Variants in FBXO27 observed in about 807,000 individuals in gnomAD.
FBXO27 encodes the protein F-box only protein 27.
FBXO27 carries 28 observed loss-of-function variants against 28.3 expected under a neutral mutation model. That is an observed-to-expected ratio of 0.99 (90% CI 0.73 to 1.36). The LOEUF (loss-of-function observed/expected upper bound fraction) is 1.36. Among genes scored for constraint, FBXO27 ranks in the 40% most tolerant of loss-of-function variants. The probability of loss-of-function intolerance (pLI) is 0.00; values close to 1 mark genes in which losing one functional copy is unlikely to be tolerated. For missense variants in FBXO27, 388 were observed against 394.1 expected (o/e 0.98, Z 0.13); for synonymous variants, 175 against 167.3 (o/e 1.05, Z -0.36).
chr19:39,013,052 T>A (rs958661482), intron 2 of FBXO27, among the ~76,000 whole-genome samples: 11 of 152,190 alleles, frequency 7.2e-5, no homozygotes, highest in Non-Finnish European at 1.5e-4. Context: ...CCGATCATCA[T>A]CCAATGAACT....
At chr19:39,023,893 G>T (rs911309535), downstream of FBXO27, 1 of 152,124 alleles carries the variant, frequency 6.6e-6, no homozygotes, top group African/African-American at 2.4e-5. Flanking sequence ...GGGATTATAG[G>T]TGTGAGCCAC....
intron 2 of FBXO27, among the ~76,000 whole-genome samples, chr19:39,011,148 T>A (rs751431059): frequency 2.0e-5 from 3 of 152,206 alleles, no homozygotes; most frequent in Non-Finnish European, 4.4e-5. Context: ...TTTTGACAAG[T>A]GGCCGGGTGC....
chr19:39,012,247 T>G (rs575169254), intron 2 of FBXO27, among the ~76,000 whole-genome samples: 1 of 148,970 alleles, frequency 6.7e-6, no homozygotes, highest in Non-Finnish European at 1.5e-5. Context: ...TGCAATGGCG[T>G]GATCTTTGCT....
At chr19:39,006,803 G>A (rs1312845612) in intron 2 of FBXO27, among the ~76,000 whole-genome samples, 1 of 151,798 alleles carries the variant, frequency 6.6e-6, no homozygotes, top group Non-Finnish European at 1.5e-5. Flanking sequence ...CCCAGGCCAG[G>A]TGCTGTGGCT....
In FBXO27 at chr19:39,006,907, C is replaced by T. The variant is rs187930334; in HGVS notation, c.252+7480G>A. On this transcript the variant is annotated intron_variant, in intron 2 of 2. Transcript: ENST00000598394. ...CAGCCTGGGCAACATAGAGAAACCC[C>T]ATCTCTACAAAAGATGCAAAAAAGG... Among the ~76,000 whole-genome samples, 358 of 151,850 alleles carry T rather than the reference C, an allele frequency of 2.4e-3. 3 individuals carry two copies. The highest frequency in any genetic ancestry group is 8.4e-3 in the African/African-American group (347 of 41,448).
downstream of FBXO27, among the ~76,000 whole-genome samples, chr19:39,021,230 T>C (rs1471949646): frequency 2.0e-5 from 3 of 152,118 alleles, no homozygotes; most frequent in Non-Finnish European, 4.4e-5. Flanking sequence ...AAGCAAACCG[T>C]GGAAGAAGTT....
chr19:39,012,663 T>C (rs2072801452), intron 2 of FBXO27, among the ~76,000 whole-genome samples: 1 of 151,770 alleles, frequency 6.6e-6, no homozygotes, highest in Non-Finnish European at 1.5e-5. Flanking sequence ...CCAGCTTATA[T>C]ATCAAGAAAA....
rs1037318216 is a variant in FBXO27 at position 39,008,240 on chromosome 19, G to A, written c.252+6147C>T. 2.6e-5 allele frequency among the ~76,000 whole-genome samples: 4 copies of A among 151,498 alleles called. No individual in the cohort carries two copies. In the East Asian group the frequency reaches 5.9e-4, roughly 22 times the overall value. ...AGATGGTGCCACTGCACTCCAGCCT[G>A]GGCAACAGAGTGAGACTCTGTCTCA... On this transcript the variant is annotated intron_variant, in intron 2 of 2. Transcript: ENST00000598394.
intron 2 of FBXO27, among the ~76,000 whole-genome samples, chr19:39,006,370 C>T (rs914482115): frequency 6.6e-6 from 1 of 151,998 alleles, no homozygotes; most frequent in Non-Finnish European, 1.5e-5. Context: ...CCAGCCCAAC[C>T]AACATGGAGA....
At chr19:39,008,869 G>A (rs758681778) in intron 2 of FBXO27, among the ~76,000 whole-genome samples, 1 of 152,178 alleles carries the variant, frequency 6.6e-6, no homozygotes, top group Non-Finnish European at 1.5e-5. Context: ...CGCCCAGGCT[G>A]GAGTGCAGTG....
chr19:39,008,459 G>A (rs185799711), intron 2 of FBXO27, among the ~76,000 whole-genome samples: 1 of 152,052 alleles, frequency 6.6e-6, no homozygotes. Context: ...TGTCTCATTC[G>A]GTCATTATAA....
chr19:39,019,330 C>G (rs2072834008), downstream of FBXO27, among the ~76,000 whole-genome samples: 1 of 146,944 alleles, frequency 6.8e-6, no homozygotes, highest in East Asian at 2.1e-4. Flanking sequence ...GAGGCTGAGG[C>G]AAGAGAATGG....
At position 39,032,392 on chromosome 19, in the gene FBXO27, G is replaced by T; in HGVS notation, c.-27+111C>A. 1.0e-6 allele frequency: 1 copy of T among 985,588 alleles called. No individual in the cohort carries two copies. The highest frequency in any genetic ancestry group is 2.1e-5 in the South Asian group (1 of 46,694). 61.1% of individuals were successfully genotyped at this position (985,588 alleles called of 1,614,324 possible). Reference sequence around the variant, plus strand: ...TCCCCAAGTCCCCATCCCCCAGCCCGTCCTTGATAGCCCCGATATCCCGGA... The same window carrying T: ...TCCCCAAGTCCCCATCCCCCAGCCCTTCCTTGATAGCCCCGATATCCCGGA... On this transcript the variant is annotated intron_variant, in intron 1 of 5. Transcript: ENST00000292853. The surrounding 1 kb of genome is among the most constrained non-coding windows in gnomAD (Gnocchi z 4.7).
Position 39,018,616 on chromosome 19 carries a change from T to A in FBXO27, c.92-4069A>T, listed in dbSNP as rs572958001. Among the ~76,000 whole-genome samples the A allele has an allele frequency of 3.3e-5, 5 of 152,102 alleles. 1 individual carries two copies. In the South Asian group the frequency reaches 8.3e-4, roughly 25 times the overall value. On this transcript the variant is annotated intron_variant, in intron 1 of 2. Transcript: ENST00000598394. ...GAGTTGATTTGCTTGATATGTACCA[T>A]AGATTGAGGTCTGCAGCTGCAGTTG...
chr19:39,031,366 G>A (rs140992409), intron 2 of FBXO27, 46 bp from the exon 3 acceptor site: 10 of 1,591,300 alleles, frequency 6.3e-6, no homozygotes, highest in Middle Eastern at 1.9e-4. Context: ...TCGCCCGCCT[G>A]TTGGTTCCTA....
intron 1 of FBXO27, among the ~76,000 whole-genome samples, chr19:39,015,875 A>T (rs2072817194): frequency 6.6e-6 from 1 of 152,160 alleles, no homozygotes; most frequent in Non-Finnish European, 1.5e-5. Flanking sequence ...GTTCAAGACC[A>T]GCCTGGCTAC....
chr19:39,015,197 T>C (rs2072813902), intron 1 of FBXO27, among the ~76,000 whole-genome samples: 1 of 151,318 alleles, frequency 6.6e-6, no homozygotes, highest in Non-Finnish European at 1.5e-5. Flanking sequence ...TGTGCCCTTG[T>C]GGTCTCAGCT....
intron 2 of FBXO27, among the ~76,000 whole-genome samples, chr19:39,013,041 C>G (rs751282570): frequency 4.6e-5 from 7 of 152,160 alleles, no homozygotes; most frequent in Non-Finnish European, 1.0e-4. Context: ...TAACCTCTTT[C>G]CCGATCATCA....
chr19:39,015,511 C>T (rs778187507), intron 1 of FBXO27, among the ~76,000 whole-genome samples: 1 of 151,756 alleles, frequency 6.6e-6, no homozygotes, highest in Admixed American at 6.6e-5. Context: ...CCTGTAGTCC[C>T]GGCTACTTGG....
Sources: gnomAD v4.1 joint callset for allele counts (sites outside exome capture counted in the v4.1 genomes callset) on GRCh38, gnomAD v4.1.1 for gene constraint, Gnocchi (gnomAD v3.1) non-coding constraint, MANE v1.5 for transcripts, NCBI Gene and HGNC (gene_info 2026-07-23, HGNC 2026-07-21) for gene names.